CCNJL: variants seen among roughly 807,000 people sequenced by gnomAD.
CCNJL encodes the protein cyclin-J-like protein.
CCNJL carries 33 observed loss-of-function variants against 33.4 expected under a neutral mutation model. The observed-to-expected ratio is 0.99, with a 90% confidence interval of 0.75 to 1.32. The LOEUF (loss-of-function observed/expected upper bound fraction) is 1.32. CCNJL is among the 40% of genes most tolerant of loss of function. CCNJL has a pLI of 0.00. For missense variants in CCNJL, 512 were observed against 499.7 expected (o/e 1.02, Z -0.23); for synonymous variants, 227 against 220.9 (o/e 1.03, Z -0.24).
chr5:160,256,703 G>A (rs1181121193), intron 4 of CCNJL, among the ~76,000 whole-genome samples: 4 of 152,088 alleles, frequency 2.6e-5, no homozygotes, highest in Non-Finnish European at 5.9e-5. Context: ...GGATCACGAG[G>A]TCAGGAGTTC....
At position 160,289,139 on chromosome 5, in the gene CCNJL, C is replaced by T. The variant is rs141145271; in HGVS notation, c.67-8401G>A. Among the ~76,000 whole-genome samples, 230 of 152,292 alleles carry T rather than the reference C, an allele frequency of 1.5e-3. 1 individual carries two copies. Among genetic ancestry groups the T allele is most frequent in the African/African-American group, 5.3e-3 (222 of 41,562 alleles). On this transcript the variant is annotated intron_variant, in intron 2 of 5. Coordinates refer to ENST00000257536, the MANE Select transcript of CCNJL (RefSeq NM_001308173.3). ...GTTCAGACCATTCCTCAGAGGCCAT[C>T]CCTGACCTCCCTCCTACCCAGCAGC...
Position 160,300,443 on chromosome 5 carries a change from A to G in CCNJL, c.66+11415T>C, listed in dbSNP as rs151133241. 5.0e-3 allele frequency among the ~76,000 whole-genome samples: 768 copies of G among 152,294 alleles called. 5 individuals carry two copies. The highest frequency in any genetic ancestry group is 0.017 in the African/African-American group (721 of 41,560). ...CCATCCTCTAGCACAAGCGTGTCCA[A>G]CCCACAGACCATGGGCCCCATGCTG... On this transcript the variant is annotated intron_variant, in intron 2 of 5. Transcript: ENST00000257536.
rs138715225 is a variant in CCNJL at position 160,292,913 on chromosome 5, C to G, written c.67-12175G>C. Reference sequence around the variant, plus strand: ...ACACAATCTCAAAATATGCTTCTTACAGAAAAGGGTTCTGAGATTACCAGC... The same window carrying G: ...ACACAATCTCAAAATATGCTTCTTAGAGAAAAGGGTTCTGAGATTACCAGC... On this transcript the variant is annotated intron_variant, in intron 2 of 5. Transcript: ENST00000257536. 7.1e-3 allele frequency among the ~76,000 whole-genome samples: 1,084 copies of G among 152,178 alleles called. 8 individuals carry two copies. The highest frequency in any genetic ancestry group is 0.017 in the Middle Eastern group (5 of 294).
chr5:160,263,876 C>T (rs1328683036), intron 3 of CCNJL, among the ~76,000 whole-genome samples: 1 of 151,836 alleles, frequency 6.6e-6, no homozygotes, highest in Non-Finnish European at 1.5e-5. Flanking sequence ...TCATATCATT[C>T]CATCTACATT....
intron 1 of CCNJL, among the ~76,000 whole-genome samples, chr5:160,323,002 A>G (rs1045274745): frequency 1.3e-5 from 2 of 151,600 alleles, no homozygotes; most frequent in African/African-American, 4.8e-5. Flanking sequence ...TGGGAGGCTG[A>G]GGCGGGTGGA....
At chr5:160,306,700 A>T (rs1262256972) in intron 2 of CCNJL, among the ~76,000 whole-genome samples, 1 of 152,218 alleles carries the variant, frequency 6.6e-6, no homozygotes, top group African/African-American at 2.4e-5. Flanking sequence ...GAGAGGGAAG[A>T]CTATGTGTAA....
chr5:160,266,041 C>T (rs1561778726), intron 3 of CCNJL, among the ~76,000 whole-genome samples: 3 of 152,322 alleles, frequency 2.0e-5, no homozygotes, highest in Non-Finnish European at 4.4e-5. Context: ...CCAGCAGCCA[C>T]CAGCCTACCC....
In CCNJL at chr5:160,253,529, T is replaced by G. The variant is rs1193666612; in HGVS notation, c.1013A>C (p.Gln338Pro). Residue 338 changes from glutamine to proline, a missense_variant, in exon 6 of 6, where the codon CAG becomes CCG. Physicochemically the swap from Gln to Pro is moderately conservative, Grantham distance 76 (BLOSUM62 -1). Coordinates refer to ENST00000257536, the MANE Select transcript of CCNJL (RefSeq NM_001308173.3). ...GGGCACGGGACACATATCCAAGGGC[T>G]GCAGCGGTTGGTACGGGGTGTGGAG... ...SSLHTPYQPL[Q>P]PLDMCPVPVP... 6.2e-7 allele frequency: 1 copy of G among 1,614,200 alleles called. No homozygotes were observed. The highest frequency in any genetic ancestry group is 2.2e-5 in the East Asian group (1 of 44,876).
At chr5:160,258,215 ATTTT>A (rs34177969) in intron 4 of CCNJL, 18 of 519,214 alleles carry the variant, frequency 3.5e-5, no homozygotes, top group Non-Finnish European at 5.6e-5. Context: ...TATCAACAGT[ATTTT>A]TTTTTTTTTT....
chr5:160,316,942 T>A (rs980117237), upstream of CCNJL, among the ~76,000 whole-genome samples: 1 of 152,180 alleles, frequency 6.6e-6, no homozygotes, highest in Non-Finnish European at 1.5e-5. Context: ...GTCAAGCATA[T>A]AAATTCCTCA....
intron 1 of CCNJL, among the ~76,000 whole-genome samples, chr5:160,329,795 A>G (rs1763584104): frequency 1.3e-5 from 2 of 152,178 alleles, no homozygotes; most frequent in Non-Finnish European, 2.9e-5. Flanking sequence ...TGCAGATGGG[A>G]TCTGTCCAAT....
intron 1 of CCNJL, among the ~76,000 whole-genome samples, chr5:160,333,218 G>T (rs991519561): frequency 4.6e-5 from 7 of 151,766 alleles, no homozygotes; most frequent in Admixed American, 2.0e-4. Context: ...CGCCTCCCAG[G>T]TTCACGCCAT....
chr5:160,332,287 C>A (rs1763616254), intron 1 of CCNJL, among the ~76,000 whole-genome samples: 1 of 152,148 alleles, frequency 6.6e-6, no homozygotes, highest in Non-Finnish European at 1.5e-5. Context: ...AAACCAGGCC[C>A]CACGACTTCC....
intron 3 of CCNJL, chr5:160,269,645 G>A (rs1194110763): frequency 1.4e-5 from 5 of 363,220 alleles, no homozygotes; most frequent in Non-Finnish European, 2.8e-5. Context: ...TGGTCCTGAG[G>A]GCTGATGTTT....
At chr5:160,261,942 G>A (rs1046342125) in intron 3 of CCNJL, among the ~76,000 whole-genome samples, 56 of 152,154 alleles carry the variant, frequency 3.7e-4, no homozygotes, top group African/African-American at 1.3e-3. Flanking sequence ...TTAAATGAAT[G>A]AATAGTCCTC....
intron 1 of CCNJL, among the ~76,000 whole-genome samples, chr5:160,332,505 G>A (rs951716664): frequency 7.2e-5 from 11 of 152,188 alleles, no homozygotes; most frequent in Non-Finnish European, 1.2e-4. Context: ...GGCCCTGTGT[G>A]ATCTGCCTAC....
At chr5:160,270,376 G>A (rs1219298345) in intron 3 of CCNJL, among the ~76,000 whole-genome samples, 3 of 152,120 alleles carry the variant, frequency 2.0e-5, no homozygotes, top group Non-Finnish European at 2.9e-5. Context: ...CCTGGGAGGC[G>A]GAGGTTGCGG....
intron 1 of CCNJL, among the ~76,000 whole-genome samples, chr5:160,320,046 T>C (rs1481050354): frequency 6.6e-6 from 1 of 152,208 alleles, no homozygotes; most frequent in Non-Finnish European, 1.5e-5. Flanking sequence ...CTGTCCTCAT[T>C]TTTCAAATGA....
At chr5:160,317,818 C>T (rs79730170), upstream of CCNJL, among the ~76,000 whole-genome samples, 161 of 152,260 alleles carry the variant, frequency 1.1e-3, no homozygotes, top group African/African-American at 3.6e-3. Flanking sequence ...CAAATCAAGG[C>T]ATCAGTAGGG....
Sources: allele counts gnomAD v4.1 joint callset (sites outside exome capture counted in the v4.1 genomes callset), GRCh38; gene constraint gnomAD v4.1.1; transcripts MANE v1.5; gene names NCBI Gene and HGNC (gene_info 2026-07-23, HGNC 2026-07-21).